The following SLC45A1 variants were observed in gnomAD, a reference collection of about 807,000 sequenced individuals.
SLC45A1 encodes proton-associated sugar transporter A.
In SLC45A1, 28 loss-of-function variants were observed where a neutral mutation model predicts 57.6. That is an observed-to-expected ratio of 0.49 (90% CI 0.36 to 0.67). SLC45A1 has a LOEUF of 0.67. Ranked by LOEUF, SLC45A1 falls within the 30% of genes least tolerant of loss-of-function variation. The probability of loss-of-function intolerance (pLI) is 0.00; values close to 1 mark genes in which losing one functional copy is unlikely to be tolerated. For missense variants in SLC45A1, 814 were observed against 1,041.5 expected, an observed-to-expected ratio of 0.78 and a Z score of 3.01; for synonymous variants, 459 against 471.5, an observed-to-expected ratio of 0.97 and a Z score of 0.34.
chr1:8,340,165 C>CTTTCT (rs1553151687), intron 8 of SLC45A1, among the ~76,000 whole-genome samples: 1 of 141,872 alleles, frequency 7.0e-6, no homozygotes, highest in African/African-American at 2.6e-5. Context: ...TTCTTTCTTT[C>CTTTCT]TTTTTTTTTT....
Position 8,339,155 on chromosome 1 carries a change from C to A in SLC45A1, c.1775-338C>A, listed in dbSNP as rs558578901. ...TACACAAGAACACAGAGGTTTAACT[C>A]GAGACCCTCAGTCCCTGAGCCCCTT... On this transcript the variant is annotated intron_variant, in intron 7 of 8. Coordinates refer to ENST00000471889, the MANE Select transcript of SLC45A1 (RefSeq NM_001080397.3). Among the ~76,000 whole-genome samples, 82 of 152,172 alleles carry A rather than the reference C, an allele frequency of 5.4e-4. 1 individual carries two copies. Among genetic ancestry groups the A allele is most frequent in the Non-Finnish European group, 1.1e-3 (77 of 68,014 alleles).
intron 6 of SLC45A1, among the ~76,000 whole-genome samples, chr1:8,337,080 G>A (rs1010984144): frequency 1.3e-5 from 2 of 152,220 alleles, no homozygotes; most frequent in African/African-American, 2.4e-5. Flanking sequence ...ACGAAACTGG[G>A]TAATTTATAA....
In SLC45A1 at chr1:8,339,706, C is replaced by A. The variant is rs1291312328; in HGVS notation, c.1980+8C>A. The A allele has an allele frequency of 1.9e-6, 3 of 1,612,612 alleles. No individual in the cohort carries two copies. The highest frequency in any genetic ancestry group is 2.5e-6 in the Non-Finnish European group (3 of 1,178,610). Reference sequence around the variant, plus strand: ...TACTATCAGAGTAAGAAGGTAAGTGCTCTCCCTTGTCTTGCTTCGGGTCTG... The same window carrying A: ...TACTATCAGAGTAAGAAGGTAAGTGATCTCCCTTGTCTTGCTTCGGGTCTG... On this transcript the variant is annotated splice_region_variant and intron_variant, in intron 8 of 8. Transcript: ENST00000471889.
At chr1:8,322,545 G>T (rs902706066) in intron 1 of SLC45A1, among the ~76,000 whole-genome samples, 5 of 151,978 alleles carry the variant, frequency 3.3e-5, no homozygotes, top group Admixed American at 6.6e-5. Flanking sequence ...CTCTGAGTGG[G>T]TGGGGTGGTG....
Position 8,318,137 on chromosome 1 carries a change from G to A in SLC45A1, c.-74G>A. On this transcript the variant is annotated 5_prime_UTR_variant, in exon 1 of 9. Coordinates refer to ENST00000471889, the MANE Select transcript of SLC45A1 (RefSeq NM_001080397.3). ...CTGCAGCAGCCGGGACCGCGGCCGG[G>A]CAGGCAGCAGCCCAGCGGGGACAGG... 8.6e-6 allele frequency: 4 copies of A among 462,496 alleles called. No individual in the cohort carries two copies. Among genetic ancestry groups the A allele is most frequent in the South Asian group, 4.4e-5 (1 of 22,502 alleles). The allele number at this position is 462,496 out of a possible 1,614,324, so 28.6% of individuals were successfully genotyped here.
chr1:8,335,519 TG>T lies in SLC45A1; in HGVS notation c.1530del (p.Arg511AlafsTer63). The part of the protein sequence containing the change: ...SSERAEQPLS[V>X]GRLCSTICNM... ...GAGCGCGCGGAGCAGCCTCTGTCCG[TG>T]GGGCGCCTCTGCTCCACCATCTGCA... is the stretch of plus-strand genomic sequence containing the variant. On this transcript the variant is annotated frameshift_variant, in exon 6 of 9. Coordinates refer to ENST00000471889, the MANE Select transcript of SLC45A1 (RefSeq NM_001080397.3). LOFTEE classifies it high-confidence loss of function. The surrounding 1 kb of genome is among the most constrained non-coding windows in gnomAD (Gnocchi z 4.1). 6.2e-7 allele frequency: 1 copy of T among 1,605,446 alleles called. No individual in the cohort carries two copies.
At chr1:8,318,380 G>A (rs925355315) in intron 1 of SLC45A1, among the ~76,000 whole-genome samples, 194 bp downstream of exon 1, 1 of 152,344 alleles carries the variant, frequency 6.6e-6, no homozygotes, top group South Asian at 2.1e-4. Context: ...CCGAGGGCAG[G>A]AGCCTCGGGC....
At chr1:8,322,596 G>C (rs1640067595) in intron 1 of SLC45A1, among the ~76,000 whole-genome samples, 1 of 152,156 alleles carries the variant, frequency 6.6e-6, no homozygotes, top group Admixed American at 6.5e-5. Context: ...GAATTTCAGA[G>C]TGATTCATAA....
At position 8,331,022 on chromosome 1, in the gene SLC45A1, C is replaced by A. The variant is rs1008399859; in HGVS notation, c.1443+86C>A. ...AGTTACATGACAAAGAGGGAGAGTC[C>A]CTCCAGGAAGAAATTCCCGGCTGTT... On this transcript the variant is annotated intron_variant, in intron 5 of 8. Coordinates refer to ENST00000471889, the MANE Select transcript of SLC45A1 (RefSeq NM_001080397.3). The A allele has an allele frequency of 6.1e-6, 9 of 1,466,610 alleles. No individual in the cohort carries two copies. In the African/African-American group the frequency reaches 1.3e-4, roughly 21 times the overall value. The allele number at this position is 1,466,610 out of a possible 1,614,324, so 90.8% of individuals were successfully genotyped here.
chr1:8,330,718 G>C lies in SLC45A1; in HGVS notation c.1225G>C (p.Asp409His). 1.9e-6 allele frequency: 3 copies of C among 1,613,132 alleles called. No homozygotes were observed. The highest frequency in any genetic ancestry group is 2.5e-6 in the Non-Finnish European group (3 of 1,179,974). Residue 409 changes from aspartate (D) to histidine (H), a missense_variant, in exon 5 of 9, where the codon GAC (aspartate) becomes CAC (histidine). Coordinates refer to ENST00000471889, the MANE Select transcript of SLC45A1 (RefSeq NM_001080397.3). This position sits in a 1 kb window ranked among gnomAD's most constrained non-coding sequence, Gnocchi z 8.4. ...CAGCGTCAGCTTCCCCCGGGCCCCC[G>C]ACGGCTTCTACCGCCAGGACCGTGG... ...PISVSFPRAP[D>H]GFYRQDRGLL...
Position 8,330,465 on chromosome 1 carries a change from C to T in SLC45A1, c.972C>T (p.Asp324=). 1 of 1,612,530 alleles carries T rather than the reference C, an allele frequency of 6.2e-7. No homozygotes were observed. The highest frequency in any genetic ancestry group is 1.7e-5 in the Admixed American group (1 of 59,982). ...TCCTGCCAGAGGAAGGCCCTGGCGA[C>T]AGCCTCCCGTCGCACACGGCCACCA... The part of the protein sequence containing the change: ...PPVLPEEGPG[D]SLPSHTATNF... The change falls in exon 5 of 9, where the codon GAC becomes GAT. Residue 324 remains aspartate (D), a synonymous_variant. Transcript: ENST00000471889. The surrounding 1 kb of genome is among the most constrained non-coding windows in gnomAD (Gnocchi z 8.4).
chr1:8,343,804 C>T lies in SLC45A1; in HGVS notation c.2038C>T (p.Leu680=), dbSNP rs760164216. The stretch of plus-strand genomic sequence containing the variant: ...GGGCATGGGCGTGGACATCTCTCTG[C>T]TGAGCTGCCAGTACTTCCTGGCTCA... The part of the protein sequence containing the change: ...RRGMGVDISL[L]SCQYFLAQIL... The change falls in exon 9 of 9, where the codon CTG becomes TTG. Residue 680 remains leucine (L), a synonymous_variant. Coordinates refer to ENST00000471889, the MANE Select transcript of SLC45A1 (RefSeq NM_001080397.3). The surrounding 1 kb of genome is among the most constrained non-coding windows in gnomAD (Gnocchi z 7.7). The T allele has an allele frequency of 1.5e-5, 25 of 1,614,036 alleles. No individual in the cohort carries two copies. In the South Asian group the frequency reaches 2.6e-4, roughly 17 times the overall value.
Position 8,326,597 on chromosome 1 carries a change from C to T in SLC45A1, c.715+555C>T, listed in dbSNP as rs556709246. ...CCGGCTTTCTTGCACCTGGAAACGTCAGACAGCTTGGGGGCCATTTAAACA... is the reference window on the plus strand; with the variant it reads ...CCGGCTTTCTTGCACCTGGAAACGTTAGACAGCTTGGGGGCCATTTAAACA... On this transcript the variant is annotated intron_variant, in intron 4 of 8. Transcript: ENST00000471889. The surrounding 1 kb of genome is among the most constrained non-coding windows in gnomAD (Gnocchi z 5.5). 6.6e-6 allele frequency among the ~76,000 whole-genome samples: 1 copy of T among 152,284 alleles called. No individual in the cohort carries two copies. Among genetic ancestry groups the T allele is most frequent in the African/African-American group, 2.4e-5 (1 of 41,540 alleles).
intron 8 of SLC45A1, among the ~76,000 whole-genome samples, chr1:8,342,088 T>A (rs1016646005): frequency 6.6e-6 from 1 of 151,936 alleles, no homozygotes; most frequent in Middle Eastern, 3.2e-3. Context: ...GCGCCTGTAG[T>A]CCCAGCTACT....
rs1640293247 is a variant in SLC45A1, at chr1:8,329,153, ATACGGTCCTTAGG to A, written c.716-1051_716-1039del. Among the ~76,000 whole-genome samples the A allele has an allele frequency of 2.0e-5, 3 of 152,314 alleles. No homozygotes were observed. The South Asian group carries it at 6.2e-4, about 32-fold the overall frequency. On this transcript the variant is annotated intron_variant, in intron 4 of 8. Coordinates refer to ENST00000471889, the MANE Select transcript of SLC45A1 (RefSeq NM_001080397.3). ...CCTCGAAATAATGAGATCCATGGTC[ATACGGTCCTTAGG>A]TACGTGTGGAAGGCTGAGTTGGGCG...
At chr1:8,341,206 A>AAAGATAGTAATACTTTG in intron 8 of SLC45A1, among the ~76,000 whole-genome samples, 1 of 149,928 alleles carries the variant, frequency 6.7e-6, no homozygotes, top group South Asian at 2.1e-4. Flanking sequence ...TTTCAAAAAA[A>AAAGATAGTAATACTTTG]AAAAAAAAAA....
chr1:8,321,786 G>C (rs1037037661), intron 1 of SLC45A1, among the ~76,000 whole-genome samples: 2 of 151,864 alleles, frequency 1.3e-5, no homozygotes, highest in African/African-American at 4.8e-5. Flanking sequence ...ATGAATGGAA[G>C]AGAGGATGTG....
chr1:8,324,786 G>A (rs1204601544), intron 2 of SLC45A1, 60 bp downstream of exon 2: 20 of 1,451,856 alleles, frequency 1.4e-5, no homozygotes, highest in Admixed American at 9.3e-5. Context: ...AAGCCTCATC[G>A]CAGTAGCCTG....
rs555204177 is a variant in SLC45A1, at chr1:8,337,898, G to A, written c.1680G>A (p.Pro560=). Residue 560 remains proline, a synonymous_variant, in exon 7 of 9, where the codon CCG becomes CCA. Coordinates refer to ENST00000471889, the MANE Select transcript of SLC45A1 (RefSeq NM_001080397.3). ...EVVFQGDPKA[P]HTSEAYQKYN... ...TGTTTCAGGGGGACCCCAAGGCCCC[G>A]CACACATCAGAGGCGTATCAGAAGT... 1.4e-5 allele frequency: 23 copies of A among 1,613,952 alleles called. No homozygotes were observed. In the East Asian group the frequency reaches 1.8e-4, roughly 13 times the overall value.
Sources: gnomAD v4.1 joint callset for allele counts (sites outside exome capture counted in the v4.1 genomes callset) on GRCh38, gnomAD v4.1.1 for gene constraint, Gnocchi (gnomAD v3.1) non-coding constraint, MANE v1.5 for transcripts, NCBI Gene and HGNC (gene_info 2026-07-23, HGNC 2026-07-21) for gene names.